Variants in ERCC6 observed in about 807,000 individuals in gnomAD.
The protein encoded by ERCC6 is ERCC excision repair 6, chromatin remodeling factor.
Under a neutral mutation model 158.7 loss-of-function variants are expected in ERCC6, and 116 were observed. That is an observed-to-expected ratio of 0.73 (90% confidence interval 0.63 to 0.85). The LOEUF (loss-of-function observed/expected upper bound fraction) is 0.85. Among genes scored for constraint, ERCC6 ranks in the 40% least tolerant of loss-of-function variants. ERCC6 has a pLI of 0.00. For missense variants in ERCC6, 1,698 were observed against 1,799.4 expected (o/e 0.94, Z 1.02); for synonymous variants, 678 against 659.3 (o/e 1.03, Z -0.43).
At chr10:49,539,427 C>T (rs1020649878), upstream of ERCC6, 4 of 152,306 alleles carry the variant, frequency 2.6e-5, no homozygotes, top group African/African-American at 7.2e-5. Context: ...GGAAGTTAGC[C>T]GCACTTTTTG....
Position 49,457,435 on chromosome 10 carries a change from T to A in ERCC6, c.*1380A>T, listed in dbSNP as rs1158360012. ...AAGGATTCTTGGCTTAAGCAAAATA[T>A]TAGAGCAGAGAAAGCAAAACTCATG... On this transcript the variant is annotated 3_prime_UTR_variant, in exon 21 of 21. Coordinates refer to ENST00000355832, the MANE Select transcript of ERCC6 (RefSeq NM_000124.4). 1.3e-5 allele frequency: 2 copies of A among 152,140 alleles called. No individual in the cohort carries two copies. Among genetic ancestry groups the A allele is most frequent in the Non-Finnish European group, 2.9e-5 (2 of 68,034 alleles). The allele number at this position is 152,140 out of a possible 1,614,324, so 9.4% of individuals were successfully genotyped here.
rs373738673 is a variant in ERCC6 at position 49,457,024 on chromosome 10, T to C, written c.*1791A>G. On this transcript the variant is annotated 3_prime_UTR_variant, in exon 21 of 21. Coordinates refer to ENST00000355832, the MANE Select transcript of ERCC6 (RefSeq NM_000124.4). ...CTTGTCTAGCTCAATACAGTTTATG[T>C]TTCAGACACTATAAGTATGATACCC... The C allele has an allele frequency of 3.3e-5, 5 of 152,310 alleles. No individual in the cohort carries two copies. The highest frequency in any genetic ancestry group is 1.2e-4 in the African/African-American group (5 of 41,572). 9.4% of individuals were successfully genotyped at this position (152,310 alleles called of 1,614,324 possible).
In ERCC6 at chr10:49,500,703, CAACA is replaced by C. The variant is rs2132575288; in HGVS notation, c.1527-11_1527-8del. On this transcript the variant is annotated splice_polypyrimidine_tract_variant and splice_region_variant and intron_variant, in intron 6 of 20. Transcript: ENST00000355832. Reference sequence around the variant, plus strand: ...AACACCTGTCTGCTGGTACCTATGACAACAAACACCAACAAGAAAAGAGAAAATG... The same window carrying C: ...AACACCTGTCTGCTGGTACCTATGACAACACCAACAAGAAAAGAGAAAATG... The C allele has an allele frequency of 1.9e-6, 3 of 1,613,220 alleles. No individual in the cohort carries two copies. Among genetic ancestry groups the C allele is most frequent in the Non-Finnish European group, 2.5e-6 (3 of 1,179,762 alleles).
intron 5 of ERCC6, among the ~76,000 whole-genome samples, chr10:49,517,596 T>C (rs937117241): frequency 9.2e-5 from 14 of 152,134 alleles, no homozygotes; most frequent in African/African-American, 3.4e-4. Flanking sequence ...AACTTATAGA[T>C]TCCTAAAAGA....
chr10:49,515,629 G>T, intron 5 of ERCC6: 1 of 1,614,060 alleles, frequency 6.2e-7, no homozygotes, highest in Non-Finnish European at 8.5e-7. Flanking sequence ...CAAGCATTTT[G>T]TAAGACCAGT....
At chr10:49,523,994 G>A (rs977838756) in intron 5 of ERCC6, 39 bp downstream of exon 5, 1 of 1,609,380 alleles carries the variant, frequency 6.2e-7, no homozygotes, top group Non-Finnish European at 8.5e-7. Context: ...CTAAGATAAA[G>A]CAAACAGTAC....
chr10:49,475,061 A>T (rs150248248), intron 12 of ERCC6, among the ~76,000 whole-genome samples: 51 of 152,130 alleles, frequency 3.4e-4, no homozygotes, highest in Non-Finnish European at 4.9e-4. Flanking sequence ...ACATTGGTAA[A>T]CCTCCCCAGA....
intron 10 of ERCC6, among the ~76,000 whole-genome samples, chr10:49,478,709 A>G (rs1465210477): frequency 2.0e-5 from 3 of 152,190 alleles, no homozygotes; most frequent in Non-Finnish European, 4.4e-5. Context: ...ACCAAAATGT[A>G]CAACAAAAGA....
Position 49,473,602 on chromosome 10 carries a change from G to A in ERCC6, c.2599-15C>T, listed in dbSNP as rs1366189558. 1.4e-6 allele frequency: 2 copies of A among 1,474,188 alleles called. No individual in the cohort carries two copies. The highest frequency in any genetic ancestry group is 3.3e-5 in the Admixed American group (2 of 59,860). The allele number at this position is 1,474,188 out of a possible 1,614,324, so 91.3% of individuals were successfully genotyped here. ...ATGTCCAGCATCTGTTTGGAGGTGG[G>A]GGATAGGAGTTTGCAAAGCAAATAC... is the stretch of plus-strand genomic sequence containing the variant. On this transcript the variant is annotated splice_polypyrimidine_tract_variant and intron_variant, in intron 13 of 20. Transcript: ENST00000355832.
At chr10:49,524,827 G>A in intron 4 of ERCC6, 50 bp from the exon 5 acceptor site, 2 of 1,595,516 alleles carry the variant, frequency 1.3e-6, no homozygotes, top group Non-Finnish European at 1.7e-6. Flanking sequence ...ACTTTCCGAG[G>A]GTACAAAAGA....
At chr10:49,436,646 T>C in the ERCC6 span, among the ~76,000 whole-genome samples, 1 of 152,224 alleles carries the variant, frequency 6.6e-6, no homozygotes, top group African/African-American at 2.4e-5. Context: ...TAGCATTACA[T>C]ATTGGAAAGG....
At chr10:49,467,426 A>G (rs1315723035) in intron 18 of ERCC6, among the ~76,000 whole-genome samples, 1 of 152,176 alleles carries the variant, frequency 6.6e-6, no homozygotes, top group Admixed American at 6.5e-5. Flanking sequence ...GAGGGTGTAT[A>G]GTGGTATCTC....
intron 6 of ERCC6, chr10:49,503,301 C>T (rs1851385957): frequency 6.6e-6 from 1 of 152,084 alleles, no homozygotes; most frequent in South Asian, 2.1e-4. Flanking sequence ...ATACAATGTG[C>T]TGGGTGTTTC....
rs144473543 is a variant in ERCC6 at position 49,476,763 on chromosome 10, T to C, written c.2287-453A>G. Among the ~76,000 whole-genome samples, 845 of 152,176 alleles carry C rather than the reference T, an allele frequency of 5.6e-3. 8 individuals are homozygous for C. Among genetic ancestry groups the C allele is most frequent in the African/African-American group, 0.019 (803 of 41,512 alleles). On this transcript the variant is annotated intron_variant, in intron 11 of 20. Coordinates refer to ENST00000355832, the MANE Select transcript of ERCC6 (RefSeq NM_000124.4). ...CAGACTTGCCTTGGACGGCAACCCT[T>C]ACCCTCCCAGCCCACTGCACCAACC...
intron 5 of ERCC6, among the ~76,000 whole-genome samples, chr10:49,514,603 G>C (rs1836894969): frequency 1.3e-5 from 2 of 152,162 alleles, no homozygotes; most frequent in Admixed American, 1.3e-4. Context: ...CGTCTGTAAG[G>C]AAAAAGCTGT....
chr10:49,464,062 C>T (rs1180586994), intron 18 of ERCC6, among the ~76,000 whole-genome samples: 1 of 152,122 alleles, frequency 6.6e-6, no homozygotes, highest in Non-Finnish European at 1.5e-5. Flanking sequence ...TTGGAGGGCT[C>T]AGAAGACGAG....
intron 6 of ERCC6, 103 bp downstream of exon 6, chr10:49,505,781 G>A: frequency 7.2e-7 from 1 of 1,382,134 alleles, no homozygotes; most frequent in Non-Finnish European, 1.0e-6. Context: ...ATTGCTGCAA[G>A]TACCTTCAGG....
intron 2 of ERCC6, among the ~76,000 whole-genome samples, 194 bp downstream of exon 2, chr10:49,532,349 T>C (rs1837488465): frequency 6.6e-6 from 1 of 152,144 alleles, no homozygotes. Flanking sequence ...CTAACTACCA[T>C]GTACAATGCC....
At chr10:49,468,041 A>T (rs909393801) in intron 18 of ERCC6, among the ~76,000 whole-genome samples, 3 of 152,172 alleles carry the variant, frequency 2.0e-5, no homozygotes, top group Non-Finnish European at 2.9e-5. Flanking sequence ...TGCCCCATGA[A>T]ATATTTTTCC....
Sources: gnomAD v4.1 joint callset for allele counts (sites outside exome capture counted in the v4.1 genomes callset) on GRCh38, gnomAD v4.1.1 for gene constraint, MANE v1.5 for transcripts, NCBI Gene and HGNC (gene_info 2026-07-23, HGNC 2026-07-21) for gene names.